DPP10: variants seen among roughly 807,000 people sequenced by gnomAD.
DPP10 encodes the protein inactive dipeptidyl peptidase 10.
In DPP10, 33 loss-of-function variants were observed where a neutral mutation model predicts 120.9. The ratio of observed to expected loss-of-function variants is 0.27; its 90% CI spans 0.21 to 0.37. The LOEUF (loss-of-function observed/expected upper bound fraction) is 0.37, where lower values mean the gene tolerates loss of function less well. Among genes scored for constraint, DPP10 ranks in the 10% least tolerant of loss-of-function variants. DPP10 has a pLI of 1.00. For missense variants in DPP10, 816 were observed against 942.8 expected (o/e 0.87, Z 1.76); for synonymous variants, 337 against 326.1 (o/e 1.03, Z -0.36).
At chr2:115,261,208 G>A (rs969057023) in intron 1 of DPP10, among the ~76,000 whole-genome samples, 1 of 152,132 alleles carries the variant, frequency 6.6e-6, no homozygotes, top group Admixed American at 6.5e-5. Context: ...GAATCCGCCG[G>A]ATCTATGCCA....
intron 1 of DPP10, among the ~76,000 whole-genome samples, chr2:115,141,259 G>A (rs1459950207): frequency 6.6e-6 from 1 of 152,174 alleles, no homozygotes; most frequent in Non-Finnish European, 1.5e-5. Context: ...CTTTCAGGTT[G>A]TATCAGGAGC....
rs563785710 is a variant in DPP10 at position 115,339,480 on chromosome 2, T to A, written c.176-4337T>A. ...CATTTATCTTGGAGAAAAGAAAATGTATGTTTGTACAAAAATCTATAAAAA... is the reference window on the plus strand; with the variant it reads ...CATTTATCTTGGAGAAAAGAAAATGAATGTTTGTACAAAAATCTATAAAAA... On this transcript the variant is annotated intron_variant, in intron 2 of 25. Coordinates refer to ENST00000410059, the MANE Select transcript of DPP10 (RefSeq NM_020868.6). Among the ~76,000 whole-genome samples the A allele has an allele frequency of 6.0e-4, 92 of 152,282 alleles. 1 individual carries two copies. Among genetic ancestry groups the A allele is most frequent in the Non-Finnish European group, 1.1e-3 (78 of 68,030 alleles).
chr2:115,411,802 C>T (rs1451753711), intron 3 of DPP10, among the ~76,000 whole-genome samples: 1 of 152,150 alleles, frequency 6.6e-6, no homozygotes, highest in Non-Finnish European at 1.5e-5. Flanking sequence ...ATTATAAAGT[C>T]ATGTTGACAC....
intron 1 of DPP10, among the ~76,000 whole-genome samples, chr2:114,694,676 G>A (rs937264362): frequency 6.6e-6 from 1 of 151,964 alleles, no homozygotes; most frequent in Non-Finnish European, 1.5e-5. Context: ...ACATGTTCAT[G>A]GAAGACAACA....
chr2:115,646,697 G>C lies in DPP10; in HGVS notation c.442-42990G>C, dbSNP rs1300182721. 2.0e-5 allele frequency among the ~76,000 whole-genome samples: 3 copies of C among 152,080 alleles called. No individual in the cohort carries two copies. In the East Asian group the frequency reaches 5.8e-4, roughly 29 times the overall value. Reference sequence around the variant, plus strand: ...ATTATGTTTTCAGATTATTTAGTTTGGGCAGGTTAAACAGACTGTTTTTAT... The same window carrying C: ...ATTATGTTTTCAGATTATTTAGTTTCGGCAGGTTAAACAGACTGTTTTTAT... On this transcript the variant is annotated intron_variant, in intron 5 of 25. Coordinates refer to ENST00000410059, the MANE Select transcript of DPP10 (RefSeq NM_020868.6).
intron 7 of DPP10, among the ~76,000 whole-genome samples, chr2:115,713,241 G>T (rs2149580795): frequency 6.6e-6 from 1 of 152,206 alleles, no homozygotes; most frequent in East Asian, 1.9e-4. Context: ...GAGTCATAAA[G>T]GAAGACCTAG....
intron 1 of DPP10, among the ~76,000 whole-genome samples, chr2:114,842,311 C>T (rs1025346782): frequency 1.3e-5 from 2 of 152,218 alleles, no homozygotes; most frequent in East Asian, 3.9e-4. Flanking sequence ...GATAAAGACA[C>T]CCTGCCAGTG....
intron 4 of DPP10, among the ~76,000 whole-genome samples, chr2:115,519,678 TGAAA>T (rs1252678803): frequency 1.3e-5 from 2 of 152,214 alleles, no homozygotes. Flanking sequence ...ATCCAGACAG[TGAAA>T]GAGAGTGTGT....
intron 3 of DPP10, among the ~76,000 whole-genome samples, chr2:115,371,740 A>G (rs2065424539): frequency 6.6e-6 from 1 of 152,136 alleles, no homozygotes; most frequent in Admixed American, 6.6e-5. Flanking sequence ...TATAAATAAC[A>G]TTTGAAAAAC....
intron 1 of DPP10, among the ~76,000 whole-genome samples, chr2:115,218,061 T>A (rs972849546): frequency 2.6e-5 from 4 of 152,178 alleles, no homozygotes; most frequent in Non-Finnish European, 4.4e-5. Context: ...ATTATGAATG[T>A]TTTGCCAGAG....
intron 5 of DPP10, among the ~76,000 whole-genome samples, chr2:115,570,364 A>G (rs770275406): frequency 9.9e-5 from 15 of 152,158 alleles, no homozygotes; most frequent in Non-Finnish European, 2.1e-4. Context: ...AATCACCCTA[A>G]CAGTTTTAAT....
At chr2:115,160,077 G>A (rs1354600957) in intron 1 of DPP10, among the ~76,000 whole-genome samples, 1 of 152,204 alleles carries the variant, frequency 6.6e-6, no homozygotes, top group African/African-American at 2.4e-5. Flanking sequence ...AATTACATGT[G>A]AGGGAATATC....
chr2:115,406,228 A>G (rs2068499497), intron 3 of DPP10, among the ~76,000 whole-genome samples: 1 of 152,206 alleles, frequency 6.6e-6, no homozygotes, highest in Non-Finnish European at 1.5e-5. Context: ...TCTAACAAAG[A>G]TGGCCTTTAC....
At chr2:114,606,463 T>G (rs1382554709) in intron 1 of DPP10, among the ~76,000 whole-genome samples, 2 of 152,160 alleles carry the variant, frequency 1.3e-5, no homozygotes, top group East Asian at 1.9e-4. Context: ...AGTTGTCTTA[T>G]GTACCAGATC....
intron 1 of DPP10, among the ~76,000 whole-genome samples, chr2:114,864,950 AG>A (rs1277419488): frequency 2.0e-5 from 3 of 152,216 alleles, no homozygotes; most frequent in Admixed American, 6.5e-5. Flanking sequence ...TATGAAAAAA[AG>A]GTTTCTGTCT....
At chr2:114,936,686 G>A (rs889000495) in intron 1 of DPP10, among the ~76,000 whole-genome samples, 1 of 151,890 alleles carries the variant, frequency 6.6e-6, no homozygotes, top group Non-Finnish European at 1.5e-5. Context: ...CACTGTAGTT[G>A]TACTATTCAC....
chr2:114,905,714 A>C (rs1361976486), intron 1 of DPP10, among the ~76,000 whole-genome samples: 1 of 152,024 alleles, frequency 6.6e-6, no homozygotes, highest in African/African-American at 2.4e-5. Context: ...AAATCATTCT[A>C]TTTTTTTATT....
At chr2:114,951,126 C>T (rs912620663) in intron 1 of DPP10, among the ~76,000 whole-genome samples, 6 of 152,068 alleles carry the variant, frequency 3.9e-5, no homozygotes, top group Admixed American at 3.3e-4. Context: ...CATCTGTGAC[C>T]GAGAGTATGT....
At chr2:114,497,310 CATGTACATGTATACGT>C (rs1682704278) in intron 1 of DPP10, among the ~76,000 whole-genome samples, 5 of 48,432 alleles carry the variant, frequency 1.0e-4, no homozygotes, top group South Asian at 5.6e-4. Flanking sequence ...TACGTGTATA[CATGTACATGTATACGT>C]GTATACATGT....
Sources: gnomAD v4.1 joint callset for allele counts (sites outside exome capture counted in the v4.1 genomes callset) on GRCh38, gnomAD v4.1.1 for gene constraint, MANE v1.5 for transcripts, NCBI Gene and HGNC (gene_info 2026-07-23, HGNC 2026-07-21) for gene names.